Variants in VBP1 observed in about 807,000 individuals in gnomAD.
VBP1 encodes the protein prefoldin subunit 3.
Under a neutral mutation model 15.5 loss-of-function variants are expected in VBP1, and 4 were observed. The observed-to-expected ratio is 0.26, with a 90% CI of 0.13 to 0.59. The LOEUF is 0.59. VBP1 is among the 20% of genes least tolerant of loss of function. The pLI is 0.90. For missense variants in VBP1, 108 were observed against 139.6 expected, an observed-to-expected ratio of 0.77 and a Z score of 1.14; for synonymous variants, 61 against 52.1, an observed-to-expected ratio of 1.17 and a Z score of -0.74.
chrX:155,204,215 C>T (rs181928215), intron 1 of VBP1, among the ~76,000 whole-genome samples: 10 of 111,044 alleles, frequency 9.0e-5, no homozygotes, highest in African/African-American at 2.0e-4. Context: ...TGAAGTGGCA[C>T]GATGTCGGTT....
Position 155,238,919 on chromosome X carries a change from A to G in VBP1, c.*77A>G. The G allele has an allele frequency of 1.3e-6, 1 of 781,280 alleles. No homozygotes were observed. Among genetic ancestry groups the G allele is most frequent in the South Asian group, 3.8e-5 (1 of 26,015 alleles). 64.4% of individuals were successfully genotyped at this position (781,280 alleles called of 1,213,427 possible). A position where few individuals can be genotyped will look rare whatever the true frequency, so the allele number is the denominator to read the frequency against. On this transcript the variant is annotated 3_prime_UTR_variant, in exon 6 of 6. Transcript: ENST00000286428. The stretch of plus-strand genomic sequence containing the variant: ...CCCCTTTATCCTTACAGGTTGACAT[A>G]ACTTTGAATGTTTTAACAGCAAGAA...
At chrX:155,238,616 A>G (rs1176699214) in intron 5 of VBP1, among the ~76,000 whole-genome samples, 156 bp from the exon 6 acceptor site, 1 of 112,525 alleles carries the variant, frequency 8.9e-6, no homozygotes, top group Admixed American at 9.4e-5. Context: ...AACAATTGAC[A>G]TTATAGCAGG....
intron 2 of VBP1, among the ~76,000 whole-genome samples, chrX:155,211,222 C>A (rs1557308483): frequency 8.9e-6 from 1 of 111,807 alleles, no homozygotes; most frequent in Non-Finnish European, 1.9e-5. Flanking sequence ...GGTGGTTTTT[C>A]ATGTGAGTGT....
intron 2 of VBP1, among the ~76,000 whole-genome samples, chrX:155,226,338 C>T (rs1424178981): frequency 8.9e-6 from 1 of 111,795 alleles, no homozygotes; most frequent in Non-Finnish European, 1.9e-5. Context: ...ATTTGGGAGT[C>T]ACTTACTAGC....
chrX:155,202,991 A>C (rs1161149575), intron 1 of VBP1, among the ~76,000 whole-genome samples: 1 of 111,533 alleles, frequency 9.0e-6, no homozygotes, highest in Non-Finnish European at 1.9e-5. Flanking sequence ...TTATGCAGCC[A>C]ACAGACACAT....
chrX:155,209,622 G>C (rs1281492585), intron 2 of VBP1, among the ~76,000 whole-genome samples: 1 of 111,875 alleles, frequency 8.9e-6, no homozygotes, highest in Non-Finnish European at 1.9e-5. Flanking sequence ...TATAGCTGAA[G>C]TGTATGGGAG....
exon 1 of VBP1, chrX:155,197,116 C>G (rs1406576166): frequency 8.9e-6 from 1 of 111,897 alleles, no homozygotes; most frequent in Non-Finnish European, 1.9e-5. Context: ...AACTGAAAAA[C>G]TGAGAAAGTT....
At chrX:155,202,252 A>G (rs1347516786) in intron 1 of VBP1, among the ~76,000 whole-genome samples, 1 of 111,894 alleles carries the variant, frequency 8.9e-6, no homozygotes, top group African/African-American at 3.3e-5. Flanking sequence ...CAGAATTGGA[A>G]AAAATTTTAA....
intron 2 of VBP1, among the ~76,000 whole-genome samples, chrX:155,222,002 A>C (rs1413058349): frequency 8.9e-6 from 1 of 112,737 alleles, no homozygotes; most frequent in Non-Finnish European, 1.9e-5. Context: ...TCCACACTAA[A>C]GGCATATTAA....
intron 4 of VBP1, among the ~76,000 whole-genome samples, chrX:155,234,363 C>A (rs781891954): frequency 1.1e-4 from 12 of 110,070 alleles, no homozygotes; most frequent in Non-Finnish European, 1.7e-4. Context: ...TCAAGTGATC[C>A]ACTCATCTCA....
At chrX:155,216,804 C>CGGGACGA (rs1307040578) in intron 1 of VBP1, among the ~76,000 whole-genome samples, 15 of 111,323 alleles carry the variant, frequency 1.3e-4, no homozygotes, top group Non-Finnish European at 1.7e-4. Context: ...GGTGCGGGGC[C>CGGGACGA]GGGACGAGGG....
In VBP1 at chrX:155,216,578, A is replaced by G; in HGVS notation, c.93+3A>G. 8.6e-7 allele frequency: 1 copy of G among 1,168,235 alleles called. No homozygotes were observed. The highest frequency in any genetic ancestry group is 1.8e-5 in the African/African-American group (1 of 56,317). On this transcript the variant is annotated splice_donor_region_variant and intron_variant, in intron 1 of 5. Transcript: ENST00000286428. ...GGATTCCTGAGGCCGTGTTTGTGGT[A>G]AGAGGCACGCTGTTCCCTGGCATCT...
At position 155,238,838 on chromosome X, in the gene VBP1, C is replaced by T; in HGVS notation, c.590C>T (p.Ala197Val). 3 of 1,197,454 alleles carry T rather than the reference C, an allele frequency of 2.5e-6. No homozygotes were observed. The highest frequency in any genetic ancestry group is 1.8e-5 in the South Asian group (1 of 54,458). ...AAGGATGACTCTACCAAGAACAAAG[C>T]ATAATGCTGGCAATTAAAAATGTGG... ...RNKDDSTKNKA is the reference protein window; with the variant it reads ...RNKDDSTKNKV The change falls in exon 6 of 6, where the codon GCA (alanine) becomes GTA (valine). Residue 197 changes from alanine (A) to valine (V), a missense_variant. Transcript: ENST00000286428.
At chrX:155,208,181 G>GTCACAGTCTTA (rs2074632433) in intron 1 of VBP1, among the ~76,000 whole-genome samples, 1 of 112,093 alleles carries the variant, frequency 8.9e-6, no homozygotes, top group South Asian at 3.7e-4. Context: ...GAGGGAGATG[G>GTCACAGTCTTA]TCACAGTCTT....
chrX:155,221,066 C>T (rs1301860211), intron 2 of VBP1, among the ~76,000 whole-genome samples: 4 of 110,930 alleles, frequency 3.6e-5, no homozygotes, highest in African/African-American at 6.6e-5. Context: ...CCCGGCGGCT[C>T]GCACCTGTAA....
intron 1 of VBP1, among the ~76,000 whole-genome samples, chrX:155,206,260 G>A (rs781831484): frequency 9.3e-6 from 1 of 108,029 alleles, no homozygotes; most frequent in African/African-American, 3.4e-5. Context: ...TTGAGACAGA[G>A]TCTTGCTCTG....
rs35367656 is a variant in VBP1 at position 155,234,109 on chromosome X, G to GTT, written c.385-2092_385-2091dup. Among the ~76,000 whole-genome samples the GTT allele has an allele frequency of 9.4e-4, 27 of 28,691 alleles. No individual in the cohort carries two copies. In the South Asian group the frequency reaches 0.02, roughly 21 times the overall value. 24.9% of individuals were successfully genotyped at this position (28,691 alleles called of 115,157 possible). A position where few individuals can be genotyped will look rare whatever the true frequency, so the allele number is the denominator to read the frequency against. Reference sequence around the variant, plus strand: ...GAGTTTTCACTTTAGTTGTTCCTCTGTTTTTTTTTTTTTTTTTTTTTTTTT... The same window carrying GTT: ...GAGTTTTCACTTTAGTTGTTCCTCTGTTTTTTTTTTTTTTTTTTTTTTTTTTT... On this transcript the variant is annotated intron_variant, in intron 4 of 5. Transcript: ENST00000286428.
intron 3 of VBP1, among the ~76,000 whole-genome samples, chrX:155,228,060 C>A (rs1306646422): frequency 9.0e-6 from 1 of 111,437 alleles, no homozygotes; most frequent in African/African-American, 3.3e-5. Flanking sequence ...GTCAGGCACT[C>A]GGGGGTGTGT....
upstream of VBP1, chrX:155,213,314 T>G (rs1320075291): frequency 8.9e-6 from 1 of 111,864 alleles, no homozygotes; most frequent in Non-Finnish European, 1.9e-5. Flanking sequence ...ATGACCCCAG[T>G]GACCAGGCTC....
Sources: gnomAD v4.1 joint callset for allele counts (sites outside exome capture counted in the v4.1 genomes callset) on GRCh38, gnomAD v4.1.1 for gene constraint, MANE v1.5 for transcripts, NCBI Gene and HGNC (gene_info 2026-07-23, HGNC 2026-07-21) for gene names.